Variants in ADCY2 observed in about 807,000 individuals in gnomAD.
ADCY2 encodes adenylate cyclase type 2.
ADCY2 carries 31 observed loss-of-function variants against 125.2 expected under a neutral mutation model. That is an observed-to-expected ratio of 0.25 (90% CI 0.19 to 0.33). The LOEUF is 0.33. Ranked by LOEUF, ADCY2 falls within the 10% of genes least tolerant of loss-of-function variation. ADCY2 has a pLI of 1.00. For missense variants in ADCY2, 904 were observed against 1,418.2 expected (o/e 0.64, Z 5.82); for synonymous variants, 512 against 548.4 (o/e 0.93, Z 0.93).
intron 24 of ADCY2, among the ~76,000 whole-genome samples, chr5:7,821,761 G>T (rs904076643): frequency 2.0e-5 from 3 of 152,230 alleles, no homozygotes; most frequent in African/African-American, 7.2e-5. Context: ...AGTAAGAAAG[G>T]TGTGGAACTG....
At chr5:7,570,848 G>A (rs763883800) in intron 3 of ADCY2, among the ~76,000 whole-genome samples, 3 of 152,078 alleles carry the variant, frequency 2.0e-5, no homozygotes, top group African/African-American at 2.4e-5. Flanking sequence ...GTTTAAAATT[G>A]TAACATAGAA....
chr5:7,470,986 T>A (rs1165673533), intron 2 of ADCY2, among the ~76,000 whole-genome samples: 1 of 151,940 alleles, frequency 6.6e-6, no homozygotes, highest in Non-Finnish European at 1.5e-5. Flanking sequence ...GCCTTCTTCA[T>A]GAATTTGCTC....
At chr5:7,572,003 G>T (rs1276387570) in intron 3 of ADCY2, among the ~76,000 whole-genome samples, 1 of 152,154 alleles carries the variant, frequency 6.6e-6, no homozygotes, top group Non-Finnish European at 1.5e-5. Flanking sequence ...GTATTCCATG[G>T]TGTATATATA....
At chr5:7,623,486 T>C (rs1738023693) in intron 3 of ADCY2, among the ~76,000 whole-genome samples, 1 of 152,164 alleles carries the variant, frequency 6.6e-6, no homozygotes, top group Non-Finnish European at 1.5e-5. Context: ...CAGGACTTAA[T>C]TGACAATGCA....
intron 18 of ADCY2, 87 bp downstream of exon 18, chr5:7,773,188 C>T (rs962330326): frequency 2.3e-5 from 30 of 1,324,992 alleles, no homozygotes; most frequent in Non-Finnish European, 2.8e-5. Flanking sequence ...TGCAAGTTAG[C>T]GATGTCATTG....
chr5:7,584,971 GT>G (rs1415944483), intron 3 of ADCY2, among the ~76,000 whole-genome samples: 2 of 152,098 alleles, frequency 1.3e-5, no homozygotes, highest in Non-Finnish European at 2.9e-5. Context: ...ATGTAAAATA[GT>G]GGAAAAAATG....
chr5:7,479,894 C>T (rs1015536111), intron 2 of ADCY2, among the ~76,000 whole-genome samples: 2 of 151,938 alleles, frequency 1.3e-5, no homozygotes, highest in African/African-American at 2.4e-5. Flanking sequence ...TAATAATGAC[C>T]AGTTCCTTAA....
At chr5:7,756,384 C>A (rs1451355846) in intron 15 of ADCY2, among the ~76,000 whole-genome samples, 1 of 152,132 alleles carries the variant, frequency 6.6e-6, no homozygotes, top group African/African-American at 2.4e-5. Context: ...TTTCCCCAAC[C>A]CCGATATGTA....
In ADCY2 at chr5:7,788,411, C is replaced by G. The variant is rs181566217; in HGVS notation, c.2470-1231C>G. 2.2e-4 allele frequency among the ~76,000 whole-genome samples: 34 copies of G among 152,300 alleles called. No individual in the cohort carries two copies. In the East Asian group the frequency reaches 6.4e-3, roughly 29 times the overall value. On this transcript the variant is annotated intron_variant, in intron 19 of 24. Transcript: ENST00000338316. ...GCCAGGCTGGTCTCAAACTGCTGAC[C>G]TCAAGTGACCCACCCACCTTGGCCT...
intron 1 of ADCY2, among the ~76,000 whole-genome samples, chr5:7,402,499 A>G (rs1009302440): frequency 6.6e-6 from 1 of 152,188 alleles, no homozygotes; most frequent in African/African-American, 2.4e-5. Context: ...TGCAAGTGAG[A>G]GTCGGGTAGA....
At chr5:7,457,570 G>A (rs1286482393) in intron 2 of ADCY2, among the ~76,000 whole-genome samples, 1 of 152,188 alleles carries the variant, frequency 6.6e-6, no homozygotes. Context: ...TCAAGCGGTG[G>A]TGGGAAGGAC....
chr5:7,396,411 T>C lies in ADCY2; in HGVS notation c.115T>C (p.Cys39Arg). 1 of 1,579,646 alleles carries C rather than the reference T, an allele frequency of 6.3e-7. No individual in the cohort carries two copies. ...GGACTGGCTCTACGAGTCCTACTAC[T>C]GCATGAGCCAGCAGCACCCGCTCAT... is the stretch of plus-strand genomic sequence containing the variant. ...SRDWLYESYY[C>R]MSQQHPLIVF... The change falls in exon 1 of 25, where the codon TGC (cysteine) becomes CGC (arginine). Residue 39 changes from cysteine (C) to arginine (R), a missense_variant. Physicochemically the swap from Cys to Arg is radical, Grantham distance 180. This residue lies in a region of ADCY2 where 113 missense variants were observed against 108.0 expected (regional missense o/e 1.05). Coordinates refer to ENST00000338316, the MANE Select transcript of ADCY2 (RefSeq NM_020546.3). The surrounding 1 kb of genome is among the most constrained non-coding windows in gnomAD (Gnocchi z 5.7).
intron 3 of ADCY2, among the ~76,000 whole-genome samples, chr5:7,575,945 G>T (rs1736232304): frequency 1.3e-5 from 2 of 152,280 alleles, no homozygotes; most frequent in South Asian, 4.1e-4. Flanking sequence ...GAATGCGTGT[G>T]TGTGTATGTC....
At chr5:7,472,184 C>T (rs974612692) in intron 2 of ADCY2, among the ~76,000 whole-genome samples, 1 of 152,226 alleles carries the variant, frequency 6.6e-6, no homozygotes, top group Middle Eastern at 3.4e-3. Context: ...TGTTGCACAA[C>T]TCTGGAATGC....
At chr5:7,585,794 G>A (rs1362837711) in intron 3 of ADCY2, among the ~76,000 whole-genome samples, 2 of 152,118 alleles carry the variant, frequency 1.3e-5, no homozygotes, top group Non-Finnish European at 2.9e-5. Flanking sequence ...CCATTGAATT[G>A]CACACCAGAA....
intron 23 of ADCY2, among the ~76,000 whole-genome samples, chr5:7,817,254 T>G (rs1745145784): frequency 6.6e-6 from 1 of 152,190 alleles, no homozygotes; most frequent in South Asian, 2.1e-4. Context: ...TGATTCACTG[T>G]GAGACATCCA....
At chr5:7,416,947 A>G (rs1739972321) in intron 2 of ADCY2, among the ~76,000 whole-genome samples, 1 of 152,066 alleles carries the variant, frequency 6.6e-6, no homozygotes, top group Non-Finnish European at 1.5e-5. Flanking sequence ...TTTTTAGCTC[A>G]CTTTTTATTA....
chr5:7,768,621 A>G (rs991002358), intron 17 of ADCY2, among the ~76,000 whole-genome samples: 1 of 152,210 alleles, frequency 6.6e-6, no homozygotes, highest in African/African-American at 2.4e-5. Context: ...CTAAAAGAAT[A>G]AGGAAATCAT....
At chr5:7,503,937 A>G (rs1475645413) in intron 2 of ADCY2, among the ~76,000 whole-genome samples, 1 of 152,216 alleles carries the variant, frequency 6.6e-6, no homozygotes, top group Admixed American at 6.5e-5. Flanking sequence ...CGAGAGCAGC[A>G]GACACACCCG....
Sources: allele counts gnomAD v4.1 joint callset (sites outside exome capture counted in the v4.1 genomes callset), GRCh38; gene constraint gnomAD v4.1.1; regional missense constraint gnomAD v4.1.1; non-coding constraint Gnocchi (gnomAD v3.1); transcripts MANE v1.5; gene names NCBI Gene and HGNC (gene_info 2026-07-23, HGNC 2026-07-21).